The following NR1H4 variants were observed in gnomAD, a reference collection of about 807,000 sequenced individuals.
NR1H4 encodes the protein bile acid receptor.
A neutral mutation model predicts 58.5 loss-of-function variants in NR1H4; 23 were observed. The observed-to-expected ratio is 0.39, with a 90% confidence interval of 0.28 to 0.56. The LOEUF (loss-of-function observed/expected upper bound fraction) is 0.56, where lower values mean the gene tolerates loss of function less well. Ranked by LOEUF, NR1H4 falls within the 20% of genes least tolerant of loss-of-function variation. The probability of loss-of-function intolerance (pLI) is 0.58; values close to 1 mark genes in which losing one functional copy is unlikely to be tolerated. For synonymous variants in NR1H4, 214 were observed against 198.0 expected, an observed-to-expected ratio of 1.08 and a Z score of -0.68; for missense variants, 487 against 576.9, an observed-to-expected ratio of 0.84 and a Z score of 1.60.
At chr12:100,507,714 CG>C (rs1954002985) in intron 3 of NR1H4, among the ~76,000 whole-genome samples, 1 of 152,118 alleles carries the variant, frequency 6.6e-6, no homozygotes, top group African/African-American at 2.4e-5. Flanking sequence ...CCACCTGCCT[CG>C]GCCTCCCAAA....
At chr12:100,560,620 C>T (rs776663457) in intron 9 of NR1H4, among the ~76,000 whole-genome samples, 1 of 152,168 alleles carries the variant, frequency 6.6e-6, no homozygotes, top group Admixed American at 6.5e-5. Context: ...GATGTGCCAC[C>T]TTAAGAGCTG....
intron 9 of NR1H4, among the ~76,000 whole-genome samples, chr12:100,558,596 C>G (rs1955390059): frequency 6.6e-6 from 1 of 152,248 alleles, no homozygotes; most frequent in South Asian, 2.1e-4. Context: ...TGAGCTCAAG[C>G]AATCTTCCAG....
At chr12:100,489,603 C>G (rs538918518) in intron 1 of NR1H4, among the ~76,000 whole-genome samples, 2 of 151,974 alleles carry the variant, frequency 1.3e-5, no homozygotes, top group African/African-American at 4.8e-5. Context: ...AACAGGCAGC[C>G]GACCGGATTT....
At chr12:100,536,402 C>CTTT (rs113077673) in intron 6 of NR1H4, 110 bp from the exon 7 acceptor site, 10 of 557,386 alleles carry the variant, frequency 1.8e-5, no homozygotes, top group African/African-American at 3.9e-5. Flanking sequence ...GTATTTATGC[C>CTTT]TTTTTTTTTT....
chr12:100,557,370 C>T lies in NR1H4; in HGVS notation c.1079-4515C>T, dbSNP rs1043782198. ...CTCATTCATTACCATGGGGAGGGCACCAAGCCATTCATGAGGGGTCTACCC... is the reference window on the plus strand; with the variant it reads ...CTCATTCATTACCATGGGGAGGGCATCAAGCCATTCATGAGGGGTCTACCC... On this transcript the variant is annotated intron_variant, in intron 9 of 10. Coordinates refer to ENST00000392986, the MANE Select transcript of NR1H4 (RefSeq NM_001206979.2). 2.0e-5 allele frequency among the ~76,000 whole-genome samples: 3 copies of T among 152,318 alleles called. No homozygotes were observed. The East Asian group carries it at 5.8e-4, about 29-fold the overall frequency.
At chr12:100,558,349 C>CAAAAAAAAA (rs10617220) in intron 9 of NR1H4, among the ~76,000 whole-genome samples, 1 of 79,966 alleles carries the variant, frequency 1.3e-5, no homozygotes, top group Non-Finnish European at 2.3e-5. Context: ...GATTCCATCT[C>CAAAAAAAAA]AAAAAAAAAA....
At chr12:100,528,143 A>G (rs1020942126) in intron 4 of NR1H4, among the ~76,000 whole-genome samples, 11 of 152,224 alleles carry the variant, frequency 7.2e-5, no homozygotes, top group Middle Eastern at 3.2e-3. Flanking sequence ...TTGCAAAGTA[A>G]TGGGTGGCCT....
intron 1 of NR1H4, among the ~76,000 whole-genome samples, chr12:100,487,855 G>A (rs1345256280): frequency 6.6e-6 from 1 of 151,800 alleles, no homozygotes; most frequent in African/African-American, 2.4e-5. Flanking sequence ...CAAGTGATCC[G>A]CCTGTCTCAG....
intron 9 of NR1H4, among the ~76,000 whole-genome samples, chr12:100,546,191 A>G (rs1387354721): frequency 6.6e-6 from 1 of 152,170 alleles, no homozygotes; most frequent in Non-Finnish European, 1.5e-5. Context: ...TGAGTGGGTC[A>G]TCTCCATGGC....
chr12:100,541,769 G>C (rs912570322), intron 9 of NR1H4, among the ~76,000 whole-genome samples: 1 of 151,612 alleles, frequency 6.6e-6, no homozygotes, highest in Non-Finnish European at 1.5e-5. Flanking sequence ...GCTAATTTTT[G>C]TATTTTTAGT....
In NR1H4 at chr12:100,532,559, C is replaced by T. The variant is rs1555335324; in HGVS notation, c.547C>T (p.Arg183Ter). Residue 183 changes from arginine (R) to a stop codon, truncating the protein, a stop_gained, in exon 5 of 11, where the codon CGA (arginine) becomes TGA (stop). Transcript: ENST00000392986. LOFTEE classifies it high-confidence loss of function. ...MYMRRKCQEC[R>*]LRKCKEMGML... is the part of the protein sequence containing the mutation. ...CATGCGAAGAAAGTGTCAAGAGTGTCGACTAAGGAAATGCAAAGAGATGGG... is the reference window on the plus strand; with the variant it reads ...CATGCGAAGAAAGTGTCAAGAGTGTTGACTAAGGAAATGCAAAGAGATGGG... 1 of 1,613,978 alleles carries T rather than the reference C, an allele frequency of 6.2e-7. No homozygotes were observed. The highest frequency in any genetic ancestry group is 8.5e-7 in the Non-Finnish European group (1 of 1,179,910).
At chr12:100,519,068 A>G (rs1452809949) in intron 4 of NR1H4, among the ~76,000 whole-genome samples, 1 of 152,130 alleles carries the variant, frequency 6.6e-6, no homozygotes, top group Non-Finnish European at 1.5e-5. Flanking sequence ...GGTTGCAGGC[A>G]TGAGCCACCG....
At chr12:100,543,474 G>A (rs909523555) in intron 9 of NR1H4, among the ~76,000 whole-genome samples, 2 of 151,992 alleles carry the variant, frequency 1.3e-5, no homozygotes, top group African/African-American at 4.8e-5. Context: ...AGAAGAGAAA[G>A]GATCTGGGAG....
rs181856264 is a variant in NR1H4, at chr12:100,485,744, G to C, written c.-189-6759G>C. Among the ~76,000 whole-genome samples, 528 of 152,144 alleles carry C rather than the reference G, an allele frequency of 3.5e-3. 4 individuals carry two copies. Among genetic ancestry groups the C allele is most frequent in the Middle Eastern group, 0.014 (4 of 294 alleles). The stretch of plus-strand genomic sequence containing the variant: ...AGAAGGGATTTCACCATGTTGGCCA[G>C]GCTGGTCTCGAACTCCTGACCTCAG... On this transcript the variant is annotated intron_variant, in intron 1 of 10. Coordinates refer to ENST00000392986, the MANE Select transcript of NR1H4 (RefSeq NM_001206979.2).
At chr12:100,499,800 T>G in intron 3 of NR1H4, 1 of 454,940 alleles carries the variant, frequency 2.2e-6, no homozygotes, top group Non-Finnish European at 4.4e-6. Flanking sequence ...GAGTGCTTTA[T>G]AGAAATTAAT....
At chr12:100,503,340 C>A (rs770945144) in intron 3 of NR1H4, 1 of 1,574,888 alleles carries the variant, frequency 6.3e-7, no homozygotes, top group South Asian at 1.1e-5. Context: ...TCTGTCCTCT[C>A]TCACTCCTTA....
intron 4 of NR1H4, among the ~76,000 whole-genome samples, chr12:100,531,259 C>T (rs1954684669): frequency 6.6e-6 from 1 of 152,160 alleles, no homozygotes; most frequent in South Asian, 2.1e-4. Flanking sequence ...AGTTTGAGAC[C>T]AGCCTGGCCA....
intron 9 of NR1H4, among the ~76,000 whole-genome samples, chr12:100,546,488 G>A (rs1246024296): frequency 1.3e-5 from 2 of 152,054 alleles, no homozygotes; most frequent in African/African-American, 4.8e-5. Context: ...GAGGTCAGGA[G>A]TTTGAGACCA....
At chr12:100,516,294 C>T (rs535061780) in intron 4 of NR1H4, among the ~76,000 whole-genome samples, 9 of 152,162 alleles carry the variant, frequency 5.9e-5, no homozygotes, top group East Asian at 1.9e-4. Context: ...ATAATTTATT[C>T]GGAAAATCTG....
Sources: gnomAD v4.1 joint callset for allele counts (sites outside exome capture counted in the v4.1 genomes callset) on GRCh38, gnomAD v4.1.1 for gene constraint, MANE v1.5 for transcripts, NCBI Gene and HGNC (gene_info 2026-07-23, HGNC 2026-07-21) for gene names.